The following RIC1 variants were observed in gnomAD, a reference collection of about 807,000 sequenced individuals.
RIC1 encodes the protein RIC1 partner of RAB6A GEF complex, also known as guanine nucleotide exchange factor subunit RIC1.
RIC1 carries 88 observed loss-of-function variants against 169.0 expected under a neutral mutation model. The ratio of observed to expected loss-of-function variants is 0.52; its 90% CI spans 0.44 to 0.62. The LOEUF (loss-of-function observed/expected upper bound fraction) is 0.62, where lower values mean the gene tolerates loss of function less well. Ranked by LOEUF, RIC1 falls within the 20% of genes least tolerant of loss-of-function variation. The pLI is 0.00. For synonymous variants in RIC1, 790 were observed against 601.5 expected (o/e 1.31, Z -4.59); for missense variants, 1,877 against 1,725.5 (o/e 1.09, Z -1.56).
At chr9:5,768,836 A>G in intron 21 of RIC1, 134 bp from the exon 22 acceptor site, 1 of 964,406 alleles carries the variant, frequency 1.0e-6, no homozygotes, top group Non-Finnish European at 1.5e-6. Flanking sequence ...TTGATACTTT[A>G]TCTTCATTGT....
Position 5,712,505 on chromosome 9 carries a change from A to G in RIC1, c.333-1391A>G, listed in dbSNP as rs1398107472. Among the ~76,000 whole-genome samples, 7 of 152,310 alleles carry G rather than the reference A, an allele frequency of 4.6e-5. No homozygotes were observed. The East Asian group carries it at 1.3e-3, about 29-fold the overall frequency. On this transcript the variant is annotated intron_variant, in intron 3 of 25. Transcript: ENST00000414202. ...CAAACAAATTTACAAGAAAAAAACA[A>G]CCCCATCAAAAAGTGGGCAAAGGAT...
chr9:5,677,887 A>G (rs981570295), intron 2 of RIC1, among the ~76,000 whole-genome samples: 2 of 151,956 alleles, frequency 1.3e-5, no homozygotes, highest in African/African-American at 4.8e-5. Context: ...TTTAGGGTAC[A>G]TGTGCACAAT....
At chr9:5,736,675 C>G (rs1420348811) in intron 7 of RIC1, among the ~76,000 whole-genome samples, 3 of 152,064 alleles carry the variant, frequency 2.0e-5, no homozygotes, top group African/African-American at 4.8e-5. Flanking sequence ...TAGAAAAAGA[C>G]TGAAATTAAA....
At chr9:5,726,359 G>A (rs1399587001) in intron 6 of RIC1, among the ~76,000 whole-genome samples, 1 of 152,152 alleles carries the variant, frequency 6.6e-6, no homozygotes, top group Non-Finnish European at 1.5e-5. Flanking sequence ...TGTTTTATCA[G>A]ATACTAGGAT....
chr9:5,728,434 C>T (rs1053477113), intron 6 of RIC1, among the ~76,000 whole-genome samples: 2 of 152,192 alleles, frequency 1.3e-5, no homozygotes, highest in African/African-American at 4.8e-5. Context: ...TTCCATGTAC[C>T]ATCTGTCATG....
chr9:5,634,408 T>G (rs1817870374), intron 1 of RIC1, among the ~76,000 whole-genome samples: 1 of 152,252 alleles, frequency 6.6e-6, no homozygotes, highest in Admixed American at 6.5e-5. Flanking sequence ...ATTTAACTTC[T>G]TGATAATAGA....
intron 8 of RIC1, among the ~76,000 whole-genome samples, chr9:5,741,541 G>T (rs753355694): frequency 1.3e-5 from 2 of 151,818 alleles, no homozygotes; most frequent in African/African-American, 2.4e-5. Flanking sequence ...TCTCCATCTA[G>T]GTTTGCTGAT....
intron 17 of RIC1, 53 bp from the exon 18 acceptor site, chr9:5,762,488 G>T: frequency 1.2e-6 from 2 of 1,602,930 alleles, no homozygotes; most frequent in South Asian, 2.2e-5. Context: ...GGGAGATGCG[G>T]AAAGCATACC....
At chr9:5,777,104 C>G (rs1289059929), downstream of RIC1, among the ~76,000 whole-genome samples, 2 of 152,122 alleles carry the variant, frequency 1.3e-5, no homozygotes, top group South Asian at 2.1e-4. Context: ...TTTCATTTAC[C>G]TAATGGTTAA....
At chr9:5,693,087 G>C (rs1207785815) in intron 3 of RIC1, among the ~76,000 whole-genome samples, 1 of 152,046 alleles carries the variant, frequency 6.6e-6, no homozygotes, top group Non-Finnish European at 1.5e-5. Context: ...GGGTTTATCT[G>C]GGAGTAGAGA....
intron 6 of RIC1, among the ~76,000 whole-genome samples, chr9:5,731,870 A>G (rs1411043377): frequency 2.0e-5 from 3 of 152,180 alleles, no homozygotes; most frequent in Non-Finnish European, 4.4e-5. Context: ...CTGAGCTGTC[A>G]GGCTTCCAGA....
chr9:5,629,288 C>CG lies in RIC1; in HGVS notation c.-21dup. On this transcript the variant is annotated 5_prime_UTR_variant, in exon 1 of 26. Coordinates refer to ENST00000414202, the MANE Select transcript of RIC1 (RefSeq NM_020829.4). ...TGAGTGTGACGGACGCAACTGGGGG[C>CG]GCCGGGGGCTCCGCACGGACCATGT... The CG allele has an allele frequency of 6.8e-7, 1 of 1,469,096 alleles. No homozygotes were observed. The highest frequency in any genetic ancestry group is 9.0e-7 in the Non-Finnish European group (1 of 1,111,190). The allele number at this position is 1,469,096 out of a possible 1,614,324, so 91.0% of individuals were successfully genotyped here.
At chr9:5,653,935 A>G (rs969486465) in intron 1 of RIC1, among the ~76,000 whole-genome samples, 2 of 152,102 alleles carry the variant, frequency 1.3e-5, no homozygotes, top group Non-Finnish European at 2.9e-5. Context: ...ATCTTTCATT[A>G]GTGTTTTGTA....
chr9:5,765,346 A>G, intron 19 of RIC1, 68 bp from the exon 20 acceptor site: 2 of 1,501,660 alleles, frequency 1.3e-6, no homozygotes, highest in Non-Finnish European at 1.8e-6. Context: ...AAAACGAGAT[A>G]AAGAATTGCT....
intron 7 of RIC1, among the ~76,000 whole-genome samples, chr9:5,738,111 T>C (rs147495142): frequency 1.3e-5 from 2 of 152,318 alleles, no homozygotes; most frequent in East Asian, 1.9e-4. Context: ...TATAGTATTA[T>C]ATTGCTATAC....
intron 1 of RIC1, 59 bp downstream of exon 1, chr9:5,629,512 C>A: frequency 6.7e-7 from 1 of 1,486,972 alleles, no homozygotes; most frequent in South Asian, 1.3e-5. Context: ...GGCGCCGTCC[C>A]ACCCCCAACT....
rs563182530 is a variant in RIC1 at position 5,712,195 on chromosome 9, A to G, written c.333-1701A>G. Among the ~76,000 whole-genome samples, 66 of 152,270 alleles carry G rather than the reference A, an allele frequency of 4.3e-4. No individual in the cohort carries two copies. The Middle Eastern group carries it at 0.01, about 24-fold the overall frequency. On this transcript the variant is annotated intron_variant, in intron 3 of 25. Coordinates refer to ENST00000414202, the MANE Select transcript of RIC1 (RefSeq NM_020829.4). The stretch of plus-strand genomic sequence containing the variant: ...GAACTAGTTTGCAGTCCCACCAACA[A>G]TGTAAAAGTGTTCCTATTTCTTCAC...
Position 5,674,682 on chromosome 9 carries a change from G to T in RIC1, c.253-15277G>T, listed in dbSNP as rs1303343545. On this transcript the variant is annotated intron_variant, in intron 2 of 25. Coordinates refer to ENST00000414202, the MANE Select transcript of RIC1 (RefSeq NM_020829.4). ...GTAAAGTGCCTGTTTAATGATGCCA[G>T]ACGAATACATAATTGACTATTCCCC... Among the ~76,000 whole-genome samples the T allele has an allele frequency of 3.3e-5, 5 of 152,190 alleles. No individual in the cohort carries two copies. The East Asian group carries it at 9.6e-4, about 29-fold the overall frequency.
chr9:5,690,004 G>C lies in RIC1; in HGVS notation c.298G>C (p.Gly100Arg), dbSNP rs752450297. The C allele has an allele frequency of 3.1e-6, 5 of 1,599,680 alleles. No individual in the cohort carries two copies. The South Asian group carries it at 4.6e-5, about 15-fold the overall frequency. ...ILFFHITSTR[G>R]DKYLYEPVYP... Reference sequence around the variant, plus strand: ...GTTTTTTCATATTACATCTACAAGAGGGGACAAGTACCTTTATGAACCAGT... The same window carrying C: ...GTTTTTTCATATTACATCTACAAGACGGGACAAGTACCTTTATGAACCAGT... The change falls in exon 3 of 26, where the codon GGG (glycine) becomes CGG (arginine). Residue 100 changes from glycine (G) to arginine (R), a missense_variant. Physicochemically the swap from Gly to Arg is moderately radical, Grantham distance 125. This residue lies in a region of RIC1 where 1,104 missense variants were observed against 992.0 expected (regional missense o/e 1.11). Coordinates refer to ENST00000414202, the MANE Select transcript of RIC1 (RefSeq NM_020829.4).
Sources: gnomAD v4.1 joint callset for allele counts (sites outside exome capture counted in the v4.1 genomes callset) on GRCh38, gnomAD v4.1.1 for gene constraint, gnomAD v4.1.1 regional missense constraint, MANE v1.5 for transcripts, NCBI Gene and HGNC (gene_info 2026-07-23, HGNC 2026-07-21) for gene names.